MIS18A: variants seen among roughly 807,000 people sequenced by gnomAD.
The protein encoded by MIS18A is protein Mis18-alpha.
A neutral mutation model predicts 25.0 loss-of-function variants in MIS18A; 14 were observed. The ratio of observed to expected loss-of-function variants is 0.56; its 90% CI spans 0.37 to 0.88. The LOEUF (loss-of-function observed/expected upper bound fraction) is 0.88. MIS18A is among the 40% of genes least tolerant of loss of function. The probability of loss-of-function intolerance (pLI) is 0.00; values close to 1 mark genes in which losing one functional copy is unlikely to be tolerated. For missense variants in MIS18A, 292 were observed against 290.8 expected, an observed-to-expected ratio of 1.00 and a Z score of -0.03; for synonymous variants, 134 against 118.6, an observed-to-expected ratio of 1.13 and a Z score of -0.84.
At chr21:32,169,944 T>C in the MIS18A span, among the ~76,000 whole-genome samples, 2 of 152,094 alleles carry the variant, frequency 1.3e-5, no homozygotes, top group Non-Finnish European at 2.9e-5. Context: ...ATTTTTAATG[T>C]CCAGTATTCA....
In MIS18A at chr21:32,268,908, A is replaced by G; in HGVS notation, c.*129T>C. ...CAAGCTCATCTGATCCTCCCACCTC[A>G]GCGTTTCGCATGCCTGGCTAATTTT... On this transcript the variant is annotated 3_prime_UTR_variant, in exon 5 of 5. Coordinates refer to ENST00000290130, the MANE Select transcript of MIS18A (RefSeq NM_018944.3). 1.7e-6 allele frequency: 1 copy of G among 605,314 alleles called. No homozygotes were observed. Among genetic ancestry groups the G allele is most frequent in the Non-Finnish European group, 2.8e-6 (1 of 356,416 alleles). The allele number at this position is 605,314 out of a possible 1,614,324, so 37.5% of individuals were successfully genotyped here.
chr21:32,202,911 C>A, the MIS18A span, among the ~76,000 whole-genome samples: 1 of 152,168 alleles, frequency 6.6e-6, no homozygotes, highest in Non-Finnish European at 1.5e-5. Flanking sequence ...TACCTTTTGG[C>A]TATCGTGAAT....
the MIS18A span, among the ~76,000 whole-genome samples, chr21:32,239,900 C>G: frequency 6.6e-6 from 1 of 152,220 alleles, no homozygotes; most frequent in East Asian, 1.9e-4. Context: ...AAGAAAAATA[C>G]ACTGCTGTTG....
chr21:32,174,142 T>C, the MIS18A span, among the ~76,000 whole-genome samples: 3 of 151,798 alleles, frequency 2.0e-5, no homozygotes, highest in East Asian at 5.8e-4. Context: ...TTTTTGTATT[T>C]TTAGTAGAGA....
the MIS18A span, among the ~76,000 whole-genome samples, chr21:32,212,786 T>C: frequency 6.6e-6 from 1 of 151,802 alleles, no homozygotes; most frequent in Non-Finnish European, 1.5e-5. Flanking sequence ...CTAATGAGAG[T>C]TGACGGTTTT....
At chr21:32,239,897 A>G in the MIS18A span, among the ~76,000 whole-genome samples, 3 of 152,232 alleles carry the variant, frequency 2.0e-5, no homozygotes, top group Non-Finnish European at 4.4e-5. Context: ...TCAAAGAAAA[A>G]TACACTGCTG....
the MIS18A span, among the ~76,000 whole-genome samples, chr21:32,243,329 C>T: frequency 2.0e-5 from 3 of 151,962 alleles, no homozygotes; most frequent in Non-Finnish European, 4.4e-5. Context: ...TTTTTAAATA[C>T]CTAAAAAAAG....
chr21:32,175,913 T>C, the MIS18A span, among the ~76,000 whole-genome samples: 1 of 152,222 alleles, frequency 6.6e-6, no homozygotes, highest in East Asian at 1.9e-4. Context: ...AATTTTTTTA[T>C]TTTTAAACTT....
chr21:32,232,517 A>T, the MIS18A span, among the ~76,000 whole-genome samples: 2 of 151,910 alleles, frequency 1.3e-5, no homozygotes, highest in African/African-American at 4.8e-5. Context: ...CATTGTATAC[A>T]GAATAATATT....
chr21:32,185,788 C>T, the MIS18A span, among the ~76,000 whole-genome samples: 1 of 152,010 alleles, frequency 6.6e-6, no homozygotes, highest in Admixed American at 6.5e-5. Flanking sequence ...TGTGAAGGTC[C>T]TCCCTGGGCC....
the MIS18A span, among the ~76,000 whole-genome samples, chr21:32,171,514 T>C: frequency 6.6e-6 from 1 of 152,078 alleles, no homozygotes; most frequent in Non-Finnish European, 1.5e-5. Flanking sequence ...CATCATTGTA[T>C]GCACATCATA....
At chr21:32,211,198 G>A in the MIS18A span, among the ~76,000 whole-genome samples, 2 of 152,118 alleles carry the variant, frequency 1.3e-5, no homozygotes, top group African/African-American at 4.8e-5. Flanking sequence ...GTGTCACCAT[G>A]CCTGGCTAAT....
the MIS18A span, among the ~76,000 whole-genome samples, chr21:32,214,226 C>G: frequency 6.6e-6 from 1 of 152,308 alleles, no homozygotes; most frequent in South Asian, 2.1e-4. Flanking sequence ...AGGCCAGAAA[C>G]CCCCATTCTC....
chr21:32,164,738 A>G, the MIS18A span, among the ~76,000 whole-genome samples: 1 of 152,084 alleles, frequency 6.6e-6, no homozygotes. Flanking sequence ...GGTCATCTGA[A>G]CAAAATTATA....
the MIS18A span, among the ~76,000 whole-genome samples, chr21:32,197,037 A>T: frequency 7.6e-6 from 1 of 131,686 alleles, no homozygotes; most frequent in African/African-American, 2.5e-5. Context: ...AGCAGGATTA[A>T]AAAAAAATAA....
chr21:32,166,317 A>G, the MIS18A span, among the ~76,000 whole-genome samples: 1 of 152,240 alleles, frequency 6.6e-6, no homozygotes, highest in African/African-American at 2.4e-5. Flanking sequence ...TGTATTACAA[A>G]TGTATCACAT....
At chr21:32,278,522 C>A in intron 1 of MIS18A, 159 bp downstream of exon 1, 6 of 776,774 alleles carry the variant, frequency 7.7e-6, no homozygotes, top group Non-Finnish European at 1.2e-5. Context: ...GGGTGACCCT[C>A]CTCCCCTTTT....
the MIS18A span, among the ~76,000 whole-genome samples, chr21:32,236,399 A>G: frequency 3.3e-5 from 5 of 152,184 alleles, no homozygotes; most frequent in Non-Finnish European, 7.4e-5. Flanking sequence ...AACAAAAAAA[A>G]GAGTGTACTT....
chr21:32,176,510 A>C, the MIS18A span, among the ~76,000 whole-genome samples: 73,455 of 152,002 alleles, frequency 0.48, 17,952 homozygotes, highest in East Asian at 0.6. Context: ...AAAAAATTCC[A>C]TTTTAAATGA....
Sources: allele counts gnomAD v4.1 joint callset (sites outside exome capture counted in the v4.1 genomes callset), GRCh38; gene constraint gnomAD v4.1.1; transcripts MANE v1.5; gene names NCBI Gene and HGNC (gene_info 2026-07-23, HGNC 2026-07-21).